Variants in KAZN observed in about 807,000 individuals in gnomAD.
KAZN encodes kazrin, periplakin interacting protein, also known as kazrin.
Under a neutral mutation model 87.4 loss-of-function variants are expected in KAZN, and 40 were observed. The observed-to-expected ratio is 0.46, with a 90% CI of 0.36 to 0.60. The LOEUF (loss-of-function observed/expected upper bound fraction) is 0.60, where lower values mean the gene tolerates loss of function less well. Among genes scored for constraint, KAZN ranks in the 20% least tolerant of loss-of-function variants. KAZN has a pLI of 0.00. For missense variants in KAZN, 898 were observed against 1,073.9 expected, an observed-to-expected ratio of 0.84 and a Z score of 2.29; for synonymous variants, 466 against 458.3, an observed-to-expected ratio of 1.02 and a Z score of -0.22.
chr1:14,568,334 G>T (rs1370109205), intron 2 of KAZN, among the ~76,000 whole-genome samples: 1 of 152,186 alleles, frequency 6.6e-6, no homozygotes, highest in Non-Finnish European at 1.5e-5. Context: ...CTTCAGAGGA[G>T]AACATAGCTG....
chr1:15,075,631 C>T (rs58489848), intron 8 of KAZN, among the ~76,000 whole-genome samples: 1,807 of 152,244 alleles, frequency 0.012, 34 homozygotes, highest in East Asian at 0.078. Flanking sequence ...ATATGACATC[C>T]CTATGGGCCT....
intron 1 of KAZN, among the ~76,000 whole-genome samples, chr1:14,051,943 G>A (rs1642351945): frequency 1.3e-5 from 2 of 152,190 alleles, no homozygotes; most frequent in African/African-American, 2.4e-5. Context: ...GCTCTTCCAA[G>A]CCTTATGTTT....
intron 1 of KAZN, among the ~76,000 whole-genome samples, chr1:14,683,992 T>C (rs1640820770): frequency 6.6e-6 from 1 of 152,084 alleles, no homozygotes; most frequent in Non-Finnish European, 1.5e-5. Context: ...ACAACAAGAG[T>C]TGTACTCCAG....
rs546749021 is a variant in KAZN, at chr1:13,924,123, A to T, written c.91+30367A>T. Among the ~76,000 whole-genome samples, 4 of 151,290 alleles carry T rather than the reference A, an allele frequency of 2.6e-5. No homozygotes were observed. In the South Asian group the frequency reaches 6.2e-4, roughly 24 times the overall value. ...GGCTCACTGCTTCCCAGTGCCATAAACTCAATCTGCAAGCACTGGCTCAGT... is the reference window on the plus strand; with the variant it reads ...GGCTCACTGCTTCCCAGTGCCATAATCTCAATCTGCAAGCACTGGCTCAGT... On this transcript the variant is annotated intron_variant, in intron 1 of 16. Coordinates refer to the KAZN transcript ENST00000636203.
At chr1:14,594,121 C>T (rs1360945210), upstream of KAZN, among the ~76,000 whole-genome samples, 1 of 152,184 alleles carries the variant, frequency 6.6e-6, no homozygotes. Context: ...ACCATATATA[C>T]TGGGTTTCCT....
At chr1:14,279,578 G>C (rs1241818758) in intron 2 of KAZN, among the ~76,000 whole-genome samples, 1 of 152,158 alleles carries the variant, frequency 6.6e-6, no homozygotes, top group Non-Finnish European at 1.5e-5. Context: ...CATACAAGTG[G>C]TACCTTGGTC....
chr1:14,824,440 C>G (rs905499757), intron 1 of KAZN, among the ~76,000 whole-genome samples: 5 of 152,090 alleles, frequency 3.3e-5, no homozygotes, highest in African/African-American at 1.2e-4. Flanking sequence ...ATGTGTTAGC[C>G]TGAAGTTAAA....
chr1:14,034,217 G>T (rs770748637), intron 1 of KAZN, among the ~76,000 whole-genome samples: 15 of 151,988 alleles, frequency 9.9e-5, no homozygotes, highest in South Asian at 6.2e-4. Flanking sequence ...TACCACAAAA[G>T]AAAAAGAAGT....
chr1:15,059,062 T>A (rs987822851), intron 5 of KAZN, among the ~76,000 whole-genome samples: 16 of 151,004 alleles, frequency 1.1e-4, no homozygotes, highest in African/African-American at 3.4e-4. Context: ...GATGACAGAT[T>A]GTAATTAGCA....
rs143729389 is a variant in KAZN, at chr1:14,664,326, G to A, written c.226+65103G>A. Among the ~76,000 whole-genome samples the A allele has an allele frequency of 3.0e-3, 459 of 152,180 alleles. 9 individuals carry two copies. Among genetic ancestry groups the A allele is most frequent in the East Asian group, 0.021 (107 of 5,146 alleles). ...TGGACACCTGTAGTCCCAGCTACTC[G>A]GGAGGCTGAGGCATGAGAATTGCTT... On this transcript the variant is annotated intron_variant, in intron 1 of 14. Coordinates refer to ENST00000376030, the MANE Select transcript of KAZN (RefSeq NM_201628.3).
At chr1:14,205,905 A>AAAAAAAAAAAAAAC (rs1557559797) in intron 2 of KAZN, among the ~76,000 whole-genome samples, 1 of 49,438 alleles carries the variant, frequency 2.0e-5, no homozygotes, top group Admixed American at 2.7e-4. Context: ...AAAAAAAAAA[A>AAAAAAAAAAAAAAC]AGCTACCTAA....
chr1:14,449,072 TG>T (rs1667129924), intron 2 of KAZN, among the ~76,000 whole-genome samples: 1 of 152,210 alleles, frequency 6.6e-6, no homozygotes, highest in Admixed American at 6.5e-5. Context: ...TTGATGACTA[TG>T]TGGGTTGTAA....
intron 2 of KAZN, among the ~76,000 whole-genome samples, chr1:14,261,307 T>C (rs1571168715): frequency 6.6e-6 from 1 of 152,314 alleles, no homozygotes; most frequent in South Asian, 2.1e-4. Flanking sequence ...TGAAATCATG[T>C]ATCTCAAAGT....
intron 2 of KAZN, among the ~76,000 whole-genome samples, chr1:14,584,648 T>A (rs943319907): frequency 4.6e-5 from 3 of 65,048 alleles, no homozygotes; most frequent in Admixed American, 4.6e-4. Flanking sequence ...TTGGAGACAG[T>A]CTTTTTTTTT....
intron 2 of KAZN, among the ~76,000 whole-genome samples, chr1:14,398,902 T>A (rs1460060500): frequency 6.6e-6 from 1 of 152,262 alleles, no homozygotes; most frequent in Non-Finnish European, 1.5e-5. Flanking sequence ...GACTTTCGGA[T>A]TACTCGGGGG....
intron 1 of KAZN, among the ~76,000 whole-genome samples, chr1:13,962,164 C>G (rs1417421374): frequency 6.6e-6 from 1 of 152,060 alleles, no homozygotes; most frequent in Non-Finnish European, 1.5e-5. Flanking sequence ...GAAGAACATT[C>G]TGAGCTGTGG....
chr1:15,009,691 T>C (rs1669385267), intron 2 of KAZN, among the ~76,000 whole-genome samples: 1 of 152,236 alleles, frequency 6.6e-6, no homozygotes, highest in African/African-American at 2.4e-5. Context: ...GGCAGAGGCA[T>C]AAAATGTCTT....
intron 2 of KAZN, among the ~76,000 whole-genome samples, chr1:14,261,078 A>C (rs1205073965): frequency 2.0e-5 from 3 of 152,238 alleles, no homozygotes; most frequent in South Asian, 2.1e-4. Context: ...TAAGACGGCA[A>C]CTATTTGCAA....
At chr1:14,422,689 T>C (rs1406651053) in intron 2 of KAZN, among the ~76,000 whole-genome samples, 1 of 152,182 alleles carries the variant, frequency 6.6e-6, no homozygotes, top group Non-Finnish European at 1.5e-5. Flanking sequence ...ATCCAGAAGA[T>C]ATTAAATATA....
Sources: allele counts gnomAD v4.1 joint callset (sites outside exome capture counted in the v4.1 genomes callset), GRCh38; gene constraint gnomAD v4.1.1; transcripts MANE v1.5; gene names NCBI Gene and HGNC (gene_info 2026-07-23, HGNC 2026-07-21).